ZNF729: variants seen among roughly 807,000 people sequenced by gnomAD.
ZNF729 encodes the protein zinc finger protein 729.
Under a neutral mutation model 12.2 loss-of-function variants are expected in ZNF729, and 15 were observed. The ratio of observed to expected loss-of-function variants is 1.23; its 90% CI spans 0.82 to 1.89. The LOEUF (loss-of-function observed/expected upper bound fraction) is 1.89. Among genes scored for constraint, ZNF729 ranks in the 40% most tolerant of loss-of-function variants. ZNF729 has a pLI of 0.00. For missense variants in ZNF729, 1,540 were observed against 1,456.7 expected, an observed-to-expected ratio of 1.06 and a Z score of -0.93; for synonymous variants, 492 against 476.3, an observed-to-expected ratio of 1.03 and a Z score of -0.43.
Position 22,315,336 on chromosome 19 carries a change from C to G in ZNF729, c.1919C>G (p.Ser640Cys), listed in dbSNP as rs1399158274. The G allele has an allele frequency of 1.9e-6, 3 of 1,611,750 alleles. No homozygotes were observed. Among genetic ancestry groups the G allele is most frequent in the Non-Finnish European group, 2.5e-6 (3 of 1,179,282 alleles). Reference sequence around the variant, plus strand: ...GAATGTGGCAAAGCTTTTAGGCAATCCTCACACCTTACTAGACATAAAGCA... The same window carrying G: ...GAATGTGGCAAAGCTTTTAGGCAATGCTCACACCTTACTAGACATAAAGCA... ...CEECGKAFRQ[S>C]SHLTRHKAIH... Residue 640 changes from serine (S) to cysteine (C), a missense_variant, in exon 4 of 4, where the codon TCC becomes TGC. By Grantham distance (112) the Ser-to-Cys change is moderately radical. Transcript: ENST00000601693.
intron 1 of ZNF729, chr19:22,299,450 C>G (rs112279189): frequency 6.6e-6 from 1 of 152,312 alleles, no homozygotes; most frequent in East Asian, 1.9e-4. Flanking sequence ...AGGATGGTCT[C>G]GATCTCCTGA....
intron 1 of ZNF729, among the ~76,000 whole-genome samples, chr19:22,298,026 A>AAC (rs1968254277): frequency 1.3e-5 from 2 of 148,488 alleles, no homozygotes; most frequent in African/African-American, 5.1e-5. Flanking sequence ...AAAAAAAAAA[A>AAC]ACACAAAACA....
rs1304122409 is a variant in ZNF729 at position 22,314,374 on chromosome 19, C to G, written c.957C>G (p.Pro319=). ...AGGTAATTCATACTGCAGAGAAACC[C>G]TACAAATGTGAAGATTGTGGCAAAA... ...AHKVIHTAEK[P]YKCEDCGKTF... The change falls in exon 4 of 4, where the codon CCC becomes CCG. Residue 319 remains proline, a synonymous_variant. Transcript: ENST00000601693. 6.3e-7 allele frequency: 1 copy of G among 1,593,268 alleles called. No homozygotes were observed. The highest frequency in any genetic ancestry group is 2.2e-5 in the East Asian group (1 of 44,534).
chr19:22,311,903 G>A (rs561027386), intron 3 of ZNF729, among the ~76,000 whole-genome samples: 30 of 152,070 alleles, frequency 2.0e-4, no homozygotes, highest in Admixed American at 9.8e-4. Context: ...TTAGGACTGT[G>A]ATATGTTCCT....
intron 1 of ZNF729, among the ~76,000 whole-genome samples, chr19:22,301,830 GA>G (rs1222923986): frequency 6.6e-6 from 1 of 152,310 alleles, no homozygotes; most frequent in African/African-American, 2.4e-5. Context: ...TGTGATACTG[GA>G]GTAGAGTATT....
chr19:22,303,932 A>C lies in ZNF729; in HGVS notation c.157+48A>C, dbSNP rs770028314. 3 of 1,495,244 alleles carry C rather than the reference A, an allele frequency of 2.0e-6. No individual in the cohort carries two copies. In the Admixed American group the frequency reaches 6.0e-5, roughly 30 times the overall value. The allele number at this position is 1,495,244 out of a possible 1,614,324, so 92.6% of individuals were successfully genotyped here. On this transcript the variant is annotated intron_variant, in intron 2 of 3. Transcript: ENST00000601693. ...AATTCCTATTATATTCTATAGGTTTAATTTCTCTTTTCTGTAGAATGTGTT... is the reference window on the plus strand; with the variant it reads ...AATTCCTATTATATTCTATAGGTTTCATTTCTCTTTTCTGTAGAATGTGTT...
At position 22,316,785 on chromosome 19, in the gene ZNF729, A is replaced by G; in HGVS notation, c.3368A>G (p.Lys1123Arg). ...AATTCCTCAACCCTTACGAAACATAAGATAATTCATACTGGGGAGAAACCC... is the reference window on the plus strand; with the variant it reads ...AATTCCTCAACCCTTACGAAACATAGGATAATTCATACTGGGGAGAAACCC... Reference protein sequence around the residue: ...FNNSSTLTKHKIIHTGEKPYK... With the variant: ...FNNSSTLTKHRIIHTGEKPYK... The change falls in exon 4 of 4, where the codon AAG becomes AGG. Residue 1123 changes from lysine (K) to arginine (R), a missense_variant. Lys to Arg is a conservative substitution (Grantham distance 26). Coordinates refer to ENST00000601693, the MANE Select transcript of ZNF729 (RefSeq NM_001242680.2). 6.2e-7 allele frequency: 1 copy of G among 1,613,316 alleles called. No individual in the cohort carries two copies. Among genetic ancestry groups the G allele is most frequent in the Non-Finnish European group, 8.5e-7 (1 of 1,179,924 alleles).
At chr19:22,308,887 C>T (rs1968416701) in intron 3 of ZNF729, among the ~76,000 whole-genome samples, 1 of 152,058 alleles carries the variant, frequency 6.6e-6, no homozygotes, top group Non-Finnish European at 1.5e-5. Context: ...CCCGTTTTGA[C>T]ACTATTCCAC....
intron 3 of ZNF729, among the ~76,000 whole-genome samples, chr19:22,313,137 A>G (rs900054717): frequency 2.4e-4 from 37 of 151,722 alleles, no homozygotes; most frequent in African/African-American, 8.5e-4. Context: ...TCTCACTGCA[A>G]TCTCTACTCC....
chr19:22,313,867 G>A lies in ZNF729; in HGVS notation c.450G>A (p.Gln150=), dbSNP rs764731365. The A allele has an allele frequency of 2.2e-4, 338 of 1,556,882 alleles. No homozygotes were observed. Among genetic ancestry groups the A allele is most frequent in the Non-Finnish European group, 2.8e-4 (325 of 1,155,168 alleles). The change falls in exon 4 of 4, where the codon CAG becomes CAA. Residue 150 remains glutamine (Q), a synonymous_variant. Coordinates refer to ENST00000601693, the MANE Select transcript of ZNF729 (RefSeq NM_001242680.2). The part of the protein sequence containing the change: ...NKLNQCRTAT[Q]RKIFQCNKHM... ...TTAACCAATGCAGGACAGCTACCCA[G>A]AGAAAAATATTTCAGTGTAACAAAC... is the stretch of plus-strand genomic sequence containing the variant.
Position 22,314,841 on chromosome 19 carries a change from T to C in ZNF729, c.1424T>C (p.Leu475Pro). ...AAAGCTTTTAGGCAATCCTCACACCTTACTAGACATAAAGCAATTCATACT... is the reference window on the plus strand; with the variant it reads ...AAAGCTTTTAGGCAATCCTCACACCCTACTAGACATAAAGCAATTCATACT... ...CGKAFRQSSHLTRHKAIHTGE... is the reference protein window; with the variant it reads ...CGKAFRQSSHPTRHKAIHTGE... The change falls in exon 4 of 4, where the codon CTT becomes CCT. Residue 475 changes from leucine to proline, a missense_variant. Transcript: ENST00000601693. The C allele has an allele frequency of 6.2e-7, 1 of 1,613,548 alleles. No individual in the cohort carries two copies.
intron 1 of ZNF729, among the ~76,000 whole-genome samples, chr19:22,291,542 C>A (rs1306070841): frequency 6.6e-6 from 1 of 152,176 alleles, no homozygotes; most frequent in African/African-American, 2.4e-5. Flanking sequence ...AACCCCCAGA[C>A]ACTGAATCTG....
In ZNF729 at chr19:22,314,491, C is replaced by T. The variant is rs773424107; in HGVS notation, c.1074C>T (p.Ser358=). The part of the protein sequence containing the change: ...YKREECGKAF[S]QSSTLRKHEI... ...GTGAAGAATGTGGCAAAGCTTTTAG[C>T]CAGTCCTCAACCCTTAGAAAACATG... Residue 358 remains serine (S), a synonymous_variant, in exon 4 of 4, where the codon AGC becomes AGT. Coordinates refer to ENST00000601693, the MANE Select transcript of ZNF729 (RefSeq NM_001242680.2). The T allele has an allele frequency of 3.1e-6, 5 of 1,608,128 alleles. No homozygotes were observed. In the East Asian group the frequency reaches 1.1e-4, roughly 36 times the overall value.
Position 22,313,767 on chromosome 19 carries a change from A to C in ZNF729, c.350A>C (p.His117Pro), listed in dbSNP as rs1382587152. The C allele has an allele frequency of 6.3e-7, 1 of 1,598,232 alleles. No homozygotes were observed. Among genetic ancestry groups the C allele is most frequent in the Non-Finnish European group, 8.5e-7 (1 of 1,173,266 alleles). Residue 117 changes from histidine to proline, a missense_variant, in exon 4 of 4, where the codon CAT (histidine) becomes CCT (proline). Coordinates refer to ENST00000601693, the MANE Select transcript of ZNF729 (RefSeq NM_001242680.2). Reference protein sequence around the residue: ...VILRTYARCGHKNLRLRKDCK... With the variant: ...VILRTYARCGPKNLRLRKDCK... ...CTGAGAACATATGCAAGATGTGGAC[A>C]TAAGAATTTACGATTAAGAAAAGAT...
At chr19:22,307,793 GCT>G (rs1568575149) in intron 3 of ZNF729, among the ~76,000 whole-genome samples, 7 of 123,466 alleles carry the variant, frequency 5.7e-5, no homozygotes, top group Non-Finnish European at 8.3e-5. Context: ...AATTTGGAAA[GCT>G]CTGTGTTTTT....
At chr19:22,305,279 A>C (rs943407199) in intron 3 of ZNF729, among the ~76,000 whole-genome samples, 4 of 152,184 alleles carry the variant, frequency 2.6e-5, no homozygotes, top group African/African-American at 9.6e-5. Context: ...CTGAACTGTG[A>C]GCCAAATAAA....
At chr19:22,291,287 A>G (rs188302118) in intron 1 of ZNF729, among the ~76,000 whole-genome samples, 22 of 152,200 alleles carry the variant, frequency 1.4e-4, no homozygotes, top group African/African-American at 3.6e-4. Context: ...GTGATTTCAG[A>G]TCTCCTCCCG....
intron 1 of ZNF729, among the ~76,000 whole-genome samples, chr19:22,301,161 A>G (rs59870410): frequency 0.14 from 20,579 of 152,188 alleles, 1,609 homozygotes; most frequent in East Asian, 0.28. Flanking sequence ...TATCCAATCA[A>G]TAATCAATGT....
At chr19:22,292,848 T>A (rs1257889632) in intron 1 of ZNF729, among the ~76,000 whole-genome samples, 1 of 152,226 alleles carries the variant, frequency 6.6e-6, no homozygotes, top group Non-Finnish European at 1.5e-5. Context: ...CAGGTGTCTT[T>A]ATGACAGAAT....
Sources: allele counts gnomAD v4.1 joint callset (sites outside exome capture counted in the v4.1 genomes callset), GRCh38; gene constraint gnomAD v4.1.1; transcripts MANE v1.5; gene names NCBI Gene and HGNC (gene_info 2026-07-23, HGNC 2026-07-21).